Variants in CCDC171 observed in about 807,000 individuals in gnomAD.
CCDC171 encodes coiled-coil domain containing 171, also known as coiled-coil domain-containing protein 171.
CCDC171 carries 177 observed loss-of-function variants against 168.2 expected under a neutral mutation model. The ratio of observed to expected loss-of-function variants is 1.05; its 90% CI spans 0.93 to 1.19. The LOEUF is 1.19. Among genes scored for constraint, CCDC171 ranks in the 50% most tolerant of loss-of-function variants. The pLI, the probability that CCDC171 is intolerant of heterozygous loss-of-function variation, is 0.00. For missense variants in CCDC171, 1,991 were observed against 1,539.0 expected (o/e 1.29, Z -4.91); for synonymous variants, 687 against 540.8 (o/e 1.27, Z -3.75).
At chr9:15,615,111 A>C (rs2043985694) in intron 6 of CCDC171, among the ~76,000 whole-genome samples, 1 of 152,196 alleles carries the variant, frequency 6.6e-6, no homozygotes, top group Non-Finnish European at 1.5e-5. Flanking sequence ...ATATATATGC[A>C]AAAATATTAT....
At chr9:15,698,949 G>T (rs2051449516) in intron 11 of CCDC171, among the ~76,000 whole-genome samples, 1 of 152,166 alleles carries the variant, frequency 6.6e-6, no homozygotes, top group Non-Finnish European at 1.5e-5. Flanking sequence ...TGACAGTGCA[G>T]GTATCCCTTT....
the CCDC171 span, among the ~76,000 whole-genome samples, chr9:16,092,633 A>G: frequency 6.6e-6 from 1 of 152,190 alleles, no homozygotes; most frequent in African/African-American, 2.4e-5. Flanking sequence ...AAACATAGCC[A>G]AACAACTTTT....
chr9:16,053,411 C>T (rs1436750826), intron 1 of CCDC171, among the ~76,000 whole-genome samples: 1 of 152,254 alleles, frequency 6.6e-6, no homozygotes, highest in African/African-American at 2.4e-5. Context: ...CTGGGGGATA[C>T]AGGCAAGTAA....
At chr9:15,725,395 A>G (rs1216535172) in intron 14 of CCDC171, among the ~76,000 whole-genome samples, 1 of 152,168 alleles carries the variant, frequency 6.6e-6, no homozygotes, top group Admixed American at 6.5e-5. Context: ...TTTATAAATG[A>G]TGTGGCTGTG....
chr9:15,582,188 C>G (rs1181591130), intron 4 of CCDC171, among the ~76,000 whole-genome samples: 2 of 152,216 alleles, frequency 1.3e-5, no homozygotes, highest in African/African-American at 4.8e-5. Context: ...TGGTCATCAT[C>G]ACTGGTCATT....
At chr9:16,067,097 A>G in the CCDC171 span, among the ~76,000 whole-genome samples, 5 of 151,724 alleles carry the variant, frequency 3.3e-5, no homozygotes, top group Non-Finnish European at 5.9e-5. Flanking sequence ...AAGTGTTCCT[A>G]TTTCTCCACA....
At chr9:15,678,273 G>A (rs2049783405) in intron 9 of CCDC171, among the ~76,000 whole-genome samples, 1 of 152,032 alleles carries the variant, frequency 6.6e-6, no homozygotes, top group African/African-American at 2.4e-5. Context: ...TGTCTTCAAA[G>A]TGAATGTGAA....
chr9:15,599,483 C>G lies in CCDC171; in HGVS notation c.675+5311C>G, dbSNP rs1367113275. ...AGAATGTTGAATATTGGCCCCCACT[C>G]TCTCCTGGCTTGTAGATTTTCTGCC... On this transcript the variant is annotated intron_variant, in intron 6 of 25. Coordinates refer to ENST00000380701, the MANE Select transcript of CCDC171 (RefSeq NM_173550.4). Among the ~76,000 whole-genome samples, 2 of 152,170 alleles carry G rather than the reference C, an allele frequency of 1.3e-5. 1 individual carries two copies. The highest frequency in any genetic ancestry group is 4.8e-5 in the African/African-American group (2 of 41,426).
chr9:15,759,999 C>G (rs935897692), intron 18 of CCDC171, among the ~76,000 whole-genome samples: 5 of 151,924 alleles, frequency 3.3e-5, no homozygotes, highest in Admixed American at 2.6e-4. Flanking sequence ...TTATTTTAGC[C>G]AAGTAGGAAA....
chr9:15,698,410 A>G (rs952295170), intron 11 of CCDC171, among the ~76,000 whole-genome samples: 5 of 151,432 alleles, frequency 3.3e-5, no homozygotes, highest in Non-Finnish European at 7.4e-5. Flanking sequence ...AGTCCCAGCT[A>G]CTCGGGAGGC....
chr9:15,861,906 G>A (rs1012506706), intron 23 of CCDC171, among the ~76,000 whole-genome samples: 14 of 151,828 alleles, frequency 9.2e-5, no homozygotes, highest in African/African-American at 1.9e-4. Flanking sequence ...TGCCTTTAGC[G>A]CTCCTTGTAA....
rs888562561 is a variant in CCDC171, at chr9:15,972,765, C to T, written c.*929C>T. ...ACAGAATTTAAAACAAGGCCATTGCCCTGCATTTTCTGCCTTGTAGCACAC... is the reference window on the plus strand; with the variant it reads ...ACAGAATTTAAAACAAGGCCATTGCTCTGCATTTTCTGCCTTGTAGCACAC... On this transcript the variant is annotated 3_prime_UTR_variant, in exon 26 of 26. Coordinates refer to ENST00000380701, the MANE Select transcript of CCDC171 (RefSeq NM_173550.4). The T allele has an allele frequency of 6.6e-6, 1 of 152,076 alleles. No homozygotes were observed. Among genetic ancestry groups the T allele is most frequent in the Non-Finnish European group, 1.5e-5 (1 of 68,010 alleles). The allele number at this position is 152,076 out of a possible 1,614,324, so 9.4% of individuals were successfully genotyped here.
At chr9:15,898,704 T>C (rs1821237596) in intron 24 of CCDC171, among the ~76,000 whole-genome samples, 1 of 152,194 alleles carries the variant, frequency 6.6e-6, no homozygotes, top group Admixed American at 6.6e-5. Context: ...TACCCTTTTA[T>C]TTTGAAATAA....
At chr9:16,074,968 G>T in the CCDC171 span, among the ~76,000 whole-genome samples, 2 of 152,262 alleles carry the variant, frequency 1.3e-5, no homozygotes, top group East Asian at 3.9e-4. Context: ...GTGTCAAACT[G>T]TTTTCTCTTC....
intron 7 of CCDC171, among the ~76,000 whole-genome samples, chr9:15,647,216 A>G (rs1416352249): frequency 3.3e-5 from 5 of 152,252 alleles, no homozygotes; most frequent in African/African-American, 1.2e-4. Flanking sequence ...GAACAAAGAC[A>G]CAACATACCA....
At chr9:15,622,535 T>C (rs1301601743) in intron 6 of CCDC171, among the ~76,000 whole-genome samples, 2 of 152,184 alleles carry the variant, frequency 1.3e-5, no homozygotes, top group African/African-American at 4.8e-5. Flanking sequence ...GTGAGGGAAA[T>C]GTGGGAAAGA....
chr9:15,586,567 T>G (rs1184519354), intron 4 of CCDC171, among the ~76,000 whole-genome samples: 12 of 152,054 alleles, frequency 7.9e-5, no homozygotes, highest in African/African-American at 2.4e-4. Context: ...TGTATGGGAG[T>G]AGCAGTAGTG....
intron 14 of CCDC171, among the ~76,000 whole-genome samples, chr9:15,727,393 C>G (rs183114174): frequency 2.7e-4 from 41 of 152,258 alleles, no homozygotes; most frequent in Non-Finnish European, 5.0e-4. Flanking sequence ...ATTGGTATAA[C>G]TTTTTTTCAT....
At chr9:15,650,111 A>G (rs2047390104) in intron 7 of CCDC171, among the ~76,000 whole-genome samples, 1 of 152,216 alleles carries the variant, frequency 6.6e-6, no homozygotes, top group Non-Finnish European at 1.5e-5. Context: ...GACATGGATG[A>G]AGCTGGAAAC....
Sources: allele counts gnomAD v4.1 joint callset (sites outside exome capture counted in the v4.1 genomes callset), GRCh38; gene constraint gnomAD v4.1.1; transcripts MANE v1.5; gene names NCBI Gene and HGNC (gene_info 2026-07-23, HGNC 2026-07-21).